The following SPG11 variants were observed in gnomAD, a reference collection of about 807,000 sequenced individuals.
The protein encoded by SPG11 is spatacsin.
A neutral mutation model predicts 274.0 loss-of-function variants in SPG11; 222 were observed. The ratio of observed to expected loss-of-function variants is 0.81; its 90% confidence interval spans 0.73 to 0.91. The LOEUF (loss-of-function observed/expected upper bound fraction) is 0.91, where lower values mean the gene tolerates loss of function less well. Ranked by LOEUF, SPG11 falls within the 40% of genes least tolerant of loss-of-function variation. The pLI, the probability that SPG11 is intolerant of heterozygous loss-of-function variation, is 0.00. For synonymous variants in SPG11, 1,144 were observed against 1,039.7 expected, an observed-to-expected ratio of 1.10 and a Z score of -1.93; for missense variants, 3,114 against 2,872.7, an observed-to-expected ratio of 1.08 and a Z score of -1.92.
intron 7 of SPG11, among the ~76,000 whole-genome samples, chr15:44,647,324 T>C (rs1468262223): frequency 2.6e-5 from 4 of 152,202 alleles, no homozygotes; most frequent in Non-Finnish European, 4.4e-5. Flanking sequence ...CCCTCATACA[T>C]TGCTGATGGG....
At position 44,605,985 on chromosome 15, in the gene SPG11, C is replaced by T. The variant is rs756816034; in HGVS notation, c.3520+40G>A. On this transcript the variant is annotated intron_variant, in intron 20 of 39. Coordinates refer to ENST00000261866, the MANE Select transcript of SPG11 (RefSeq NM_025137.4). ...CATGTATTAACTTCTGTAGTTAACA[C>T]TGCTAAAACATGTCTCAAGAAGTAC... The T allele has an allele frequency of 1.9e-6, 3 of 1,539,538 alleles. No homozygotes were observed. In the East Asian group the frequency reaches 6.8e-5, roughly 35 times the overall value.
Position 44,608,498 on chromosome 15 carries a change from C to T in SPG11, c.3399G>A (p.Gln1133=), listed in dbSNP as rs1051475016. 4 of 1,613,986 alleles carry T rather than the reference C, an allele frequency of 2.5e-6. No individual in the cohort carries two copies. Among genetic ancestry groups the T allele is most frequent in the Non-Finnish European group, 3.4e-6 (4 of 1,180,028 alleles). The change falls in exon 19 of 40, where the codon CAG becomes CAA. Residue 1133 remains glutamine, a synonymous_variant. Coordinates refer to ENST00000261866, the MANE Select transcript of SPG11 (RefSeq NM_025137.4). Reference sequence around the variant, plus strand: ...ATGGCAGGACACTAGGAGGAGTGCACTGTGGGAAGAGAGCAGTTTTTAGCT... The same window carrying T: ...ATGGCAGGACACTAGGAGGAGTGCATTGTGGGAAGAGAGCAGTTTTTAGCT... The part of the protein sequence containing the change: ...YPKLKTALFP[Q]CTPPSVLPSD...
At chr15:44,613,561 T>C in intron 16 of SPG11, 25 bp from the exon 17 acceptor site, 2 of 1,454,468 alleles carry the variant, frequency 1.4e-6, no homozygotes, top group Middle Eastern at 1.8e-4. Context: ...AACAAAAACC[T>C]TCTTTGATTA....
At chr15:44,596,740 G>A (rs753714444) in intron 24 of SPG11, 44 bp downstream of exon 24, 2 of 1,291,066 alleles carry the variant, frequency 1.5e-6, no homozygotes, top group African/African-American at 3.1e-5. Flanking sequence ...TCTAAGAAGT[G>A]TTCCTATTTC....
intron 36 of SPG11, 147 bp downstream of exon 36, chr15:44,567,277 G>C (rs1024160523): frequency 1.3e-6 from 1 of 760,144 alleles, no homozygotes; most frequent in Non-Finnish European, 2.1e-6. Flanking sequence ...CTTGAACCTG[G>C]GAGGCGGAGG....
intron 7 of SPG11, among the ~76,000 whole-genome samples, chr15:44,637,605 T>C (rs952555515): frequency 1.3e-5 from 2 of 152,154 alleles, no homozygotes; most frequent in African/African-American, 4.8e-5. Context: ...CCACTGTGCC[T>C]GGGTTGGAAA....
At chr15:44,650,355 T>A (rs1436592738) in intron 6 of SPG11, among the ~76,000 whole-genome samples, 1 of 151,842 alleles carries the variant, frequency 6.6e-6, no homozygotes, top group Non-Finnish European at 1.5e-5. Flanking sequence ...CTCATCTCTA[T>A]TAAAAAATAA....
chr15:44,643,829 A>G (rs975920855), intron 7 of SPG11, among the ~76,000 whole-genome samples: 1 of 152,138 alleles, frequency 6.6e-6, no homozygotes, highest in Non-Finnish European at 1.5e-5. Flanking sequence ...AGACGCAATG[A>G]AAAGAGAAAA....
intron 7 of SPG11, among the ~76,000 whole-genome samples, chr15:44,648,050 C>T (rs2084654822): frequency 6.6e-6 from 1 of 152,202 alleles, no homozygotes; most frequent in African/African-American, 2.4e-5. Context: ...CCCACTCAAT[C>T]ACTGAAAGCC....
At chr15:44,614,798 T>C (rs1309367090) in intron 16 of SPG11, among the ~76,000 whole-genome samples, 2 of 152,222 alleles carry the variant, frequency 1.3e-5, no homozygotes, top group Non-Finnish European at 2.9e-5. Flanking sequence ...AACACTCACA[T>C]ATTAAAGACT....
At chr15:44,634,607 G>A (rs1299133908) in intron 7 of SPG11, among the ~76,000 whole-genome samples, 1 of 151,508 alleles carries the variant, frequency 6.6e-6, no homozygotes, top group Admixed American at 6.6e-5. Context: ...TCTTTTTTGA[G>A]GCAGAGTCTT....
intron 7 of SPG11, among the ~76,000 whole-genome samples, chr15:44,635,917 T>TA (rs560952946): frequency 0.015 from 1,989 of 130,800 alleles, 48 homozygotes; most frequent in East Asian, 0.11. Flanking sequence ...ACTCCACCTA[T>TA]AAAAAAAAAA....
intron 30 of SPG11, among the ~76,000 whole-genome samples, chr15:44,580,117 T>C (rs1289480835): frequency 3.9e-5 from 6 of 152,236 alleles, no homozygotes; most frequent in African/African-American, 1.4e-4. Flanking sequence ...GTTTATTTCC[T>C]GAAGCTAAAA....
intron 10 of SPG11, 94 bp downstream of exon 10, chr15:44,628,575 C>G: frequency 8.4e-7 from 1 of 1,185,326 alleles, no homozygotes; most frequent in Non-Finnish European, 1.2e-6. Context: ...TTCTGAATCA[C>G]AAGTATATAG....
At chr15:44,639,509 T>A (rs2084379208) in intron 7 of SPG11, among the ~76,000 whole-genome samples, 1 of 151,838 alleles carries the variant, frequency 6.6e-6, no homozygotes, top group East Asian at 1.9e-4. Context: ...TGAAGACCAG[T>A]CTGGGGCACA....
chr15:44,579,526 C>CA (rs954664107), intron 30 of SPG11, among the ~76,000 whole-genome samples: 3,298 of 50,084 alleles, frequency 0.066, 138 homozygotes, highest in African/African-American at 0.14. Context: ...GACTCCGTCT[C>CA]AAAAAAAAAA....
At chr15:44,621,656 C>G in intron 14 of SPG11, 103 bp downstream of exon 14, 2 of 1,137,936 alleles carry the variant, frequency 1.8e-6, no homozygotes, top group Non-Finnish European at 2.6e-6. Context: ...ATATTATTTC[C>G]CGAAAGGAAT....
chr15:44,597,571 C>T (rs1311227757), intron 23 of SPG11, among the ~76,000 whole-genome samples: 2 of 152,190 alleles, frequency 1.3e-5, no homozygotes, highest in African/African-American at 4.8e-5. Flanking sequence ...ACTTTCTGAG[C>T]ACTTATTTCT....
At position 44,663,553 on chromosome 15, in the gene SPG11, G is replaced by T; in HGVS notation, c.95C>A (p.Pro32Gln). 6.3e-7 allele frequency: 1 copy of T among 1,597,524 alleles called. No homozygotes were observed. The change falls in exon 1 of 40, where the codon CCA becomes CAA. Residue 32 changes from proline to glutamine, a missense_variant. Coordinates refer to ENST00000261866, the MANE Select transcript of SPG11 (RefSeq NM_025137.4). ...MGRVLPMLLV[P>Q]VPAEAMGQLG... The stretch of plus-strand genomic sequence containing the variant: ...CTGCCCCATCGCCTCGGCGGGGACT[G>T]GCACCAACAGCATCGGTAGAACCCG...
Sources: allele counts gnomAD v4.1 joint callset (sites outside exome capture counted in the v4.1 genomes callset), GRCh38; gene constraint gnomAD v4.1.1; transcripts MANE v1.5; gene names NCBI Gene and HGNC (gene_info 2026-07-23, HGNC 2026-07-21).